Variants in SLC9A6 observed in about 807,000 individuals in gnomAD.
SLC9A6 encodes the protein solute carrier family 9 member A6, also known as sodium/hydrogen exchanger 6.
A neutral mutation model predicts 45.3 loss-of-function variants in SLC9A6; 6 were observed. That is an observed-to-expected ratio of 0.13 (90% CI 0.07 to 0.26). The LOEUF (loss-of-function observed/expected upper bound fraction) is 0.26. SLC9A6 is among the 10% of genes least tolerant of loss of function. The pLI is 1.00. For missense variants in SLC9A6, 278 were observed against 503.7 expected (o/e 0.55, Z 4.29); for synonymous variants, 191 against 187.7 (o/e 1.02, Z -0.14).
intron 8 of SLC9A6, among the ~76,000 whole-genome samples, chrX:136,011,995 C>T (rs2070932564): frequency 8.9e-6 from 1 of 112,108 alleles, no homozygotes; most frequent in Non-Finnish European, 1.9e-5. Context: ...GAGGCTGAAG[C>T]GGGAGAATGG....
intron 5 of SLC9A6, 121 bp downstream of exon 5, chrX:135,998,679 C>T (rs1463353636): frequency 1.1e-5 from 7 of 647,466 alleles, no homozygotes; most frequent in East Asian, 3.5e-5. Flanking sequence ...GCAATATTCA[C>T]GTAGGTAATA....
chrX:136,013,327 T>C (rs1387772152), intron 9 of SLC9A6, 22 bp from the exon 10 acceptor site: 2 of 1,141,375 alleles, frequency 1.8e-6, no homozygotes, highest in Non-Finnish European at 2.4e-6. Flanking sequence ...TTATGTGAAC[T>C]TGGAATTTGT....
intron 1 of SLC9A6, chrX:135,975,376 G>A (rs1047260621): frequency 8.9e-6 from 1 of 112,161 alleles, no homozygotes; most frequent in Admixed American, 9.4e-5. Context: ...ATTTGCTTTT[G>A]CTCAAAGATG....
intron 16 of SLC9A6, among the ~76,000 whole-genome samples, chrX:136,039,521 T>C (rs1556622228): frequency 8.9e-6 from 1 of 111,803 alleles, no homozygotes; most frequent in Admixed American, 9.5e-5. Flanking sequence ...GACTTGCCTT[T>C]CCTTCTTATA....
chrX:136,041,326 G>C (rs114960827), intron 17 of SLC9A6, among the ~76,000 whole-genome samples: 4,263 of 111,038 alleles, frequency 0.038, 147 homozygotes, highest in African/African-American at 0.11. Flanking sequence ...CCCATTCCCT[G>C]TGAGTGAACC....
At position 136,002,988 on chromosome X, in the gene SLC9A6, C is replaced by CT. The variant is rs781846085; in HGVS notation, c.743+792dup. ...TGTCCCCCTAGTTCCTTGTAGATAA[C>CT]TTTTTTTTTTTTTTTTTGAGACGAA... On this transcript the variant is annotated intron_variant, in intron 7 of 17. Coordinates refer to ENST00000630721, the MANE Select transcript of SLC9A6 (RefSeq NM_001379110.1). 9.5e-3 allele frequency among the ~76,000 whole-genome samples: 956 copies of CT among 101,037 alleles called. 3 individuals are homozygous for CT. The highest frequency in any genetic ancestry group is 0.013 in the Non-Finnish European group (642 of 49,024). The allele number at this position is 101,037 out of a possible 115,157, so 87.7% of individuals were successfully genotyped here. A position where few individuals can be genotyped will look rare whatever the true frequency, so the allele number is the denominator to read the frequency against.
At chrX:135,977,753 T>C (rs1410014248) in intron 1 of SLC9A6, among the ~76,000 whole-genome samples, 3 of 111,472 alleles carry the variant, frequency 2.7e-5, no homozygotes, top group Non-Finnish European at 5.6e-5. Context: ...TTGTAAGAAA[T>C]TCAAACAATA....
intron 7 of SLC9A6, among the ~76,000 whole-genome samples, chrX:136,009,667 C>T (rs1243663789): frequency 1.8e-5 from 2 of 112,261 alleles, no homozygotes; most frequent in South Asian, 3.7e-4. Context: ...TTTTCTCAGG[C>T]ATTTCTATTT....
intron 13 of SLC9A6, 67 bp downstream of exon 13, chrX:136,024,550 T>C: frequency 1.0e-6 from 1 of 999,723 alleles, no homozygotes; most frequent in Non-Finnish European, 1.4e-6. Context: ...CTGCCTGTTT[T>C]CAATTTTTAA....
Position 136,002,131 on chromosome X carries a change from G to A in SLC9A6, c.661G>A (p.Glu221Lys), listed in dbSNP as rs1556617439. ...DPVTVLAIFHELQVDVELYAL... is the reference protein window; with the variant it reads ...DPVTVLAIFHKLQVDVELYAL... ...AGTGACTGTTCTTGCTATATTCCAC[G>A]AGCTTCAAGTTGATGTTGAACTCTA... is the stretch of plus-strand genomic sequence containing the variant. Residue 221 changes from glutamate (E) to lysine (K), a missense_variant, in exon 7 of 18, where the codon GAG becomes AAG. Around this residue, in one of 5 missense-constraint regions of SLC9A6, gnomAD observed 118 missense variants for 209.9 expected, o/e 0.56. Coordinates refer to ENST00000630721, the MANE Select transcript of SLC9A6 (RefSeq NM_001379110.1). 8.3e-7 allele frequency: 1 copy of A among 1,204,619 alleles called. No homozygotes were observed. The highest frequency in any genetic ancestry group is 1.1e-6 in the Non-Finnish European group (1 of 889,499).
In SLC9A6 at chrX:136,043,299, T is replaced by C. The variant is rs1003528661; in HGVS notation, c.1768-1153T>C. Among the ~76,000 whole-genome samples the C allele has an allele frequency of 4.6e-4, 52 of 112,168 alleles. No individual in the cohort carries two copies. The Admixed American group carries it at 4.7e-3, about 10-fold the overall frequency. On this transcript the variant is annotated intron_variant, in intron 17 of 17. Coordinates refer to ENST00000630721, the MANE Select transcript of SLC9A6 (RefSeq NM_001379110.1). ...GCCTCAAACTTCTGGGCTCAAGCAG[T>C]CCTCCTGCCTTAGCCTCCCCAGTAG...
rs375038684 is a variant in SLC9A6 at position 135,998,464 on chromosome X, C to CTTTT, written c.448-9_448-6dup. 8 of 838,835 alleles carry CTTTT rather than the reference C, an allele frequency of 9.5e-6. No homozygotes were observed. Among genetic ancestry groups the CTTTT allele is most frequent in the East Asian group, 3.8e-5 (1 of 26,289 alleles). 69.1% of individuals were successfully genotyped at this position (838,835 alleles called of 1,213,427 possible). A position where few individuals can be genotyped will look rare whatever the true frequency, so the allele number is the denominator to read the frequency against. On this transcript the variant is annotated splice_polypyrimidine_tract_variant and intron_variant, in intron 4 of 17. Transcript: ENST00000630721. ...ACTGGTAAGTATTCTAACAGTGTAACTTTTTTTTTTTTGTCAGAGACATTT... is the reference window on the plus strand; with the variant it reads ...ACTGGTAAGTATTCTAACAGTGTAACTTTTTTTTTTTTTTTTGTCAGAGACATTT...
In SLC9A6 at chrX:136,045,936, T is replaced by C. The variant is rs995263032; in HGVS notation, c.*1212T>C. The C allele has an allele frequency of 1.8e-5, 2 of 110,145 alleles. No individual in the cohort carries two copies. Among genetic ancestry groups the C allele is most frequent in the Non-Finnish European group, 3.8e-5 (2 of 52,704 alleles). 9.1% of individuals were successfully genotyped at this position (110,145 alleles called of 1,213,427 possible). On this transcript the variant is annotated 3_prime_UTR_variant, in exon 18 of 18. Transcript: ENST00000630721. ...ACGTTTTAATATTAATTACCTAAGC[T>C]GCCATGCATTTTTTTTTTTACAGTT...
chrX:136,036,345 T>G (rs782762702), intron 16 of SLC9A6, among the ~76,000 whole-genome samples: 1 of 111,675 alleles, frequency 9.0e-6, no homozygotes, highest in South Asian at 3.8e-4. Context: ...TTTCGTCCAT[T>G]GTTTAACTGA....
upstream of SLC9A6, among the ~76,000 whole-genome samples, chrX:135,981,551 T>A (rs782782595): frequency 1.6e-4 from 18 of 111,369 alleles, no homozygotes; most frequent in Non-Finnish European, 2.8e-4. Flanking sequence ...AGAAGTTAGT[T>A]AGGTGAGGAA....
intron 2 of SLC9A6, 110 bp downstream of exon 2, chrX:135,985,937 A>T (rs2089330254): frequency 2.2e-6 from 2 of 926,738 alleles, no homozygotes; most frequent in Admixed American, 4.7e-5. Flanking sequence ...TCCCCTTCTA[A>T]TTCCTTCCAT....
chrX:135,979,512 C>T (rs1371093430), intron 1 of SLC9A6, among the ~76,000 whole-genome samples: 1 of 111,627 alleles, frequency 9.0e-6, no homozygotes, highest in African/African-American at 3.3e-5. Context: ...CACATTAATG[C>T]TACTGACAGC....
At chrX:136,020,524 C>G (rs1286770136) in intron 11 of SLC9A6, among the ~76,000 whole-genome samples, 2 of 110,682 alleles carry the variant, frequency 1.8e-5, no homozygotes, top group Non-Finnish European at 3.8e-5. Flanking sequence ...GCATGCGCCA[C>G]CACGCCCGGC....
At chrX:135,981,459 C>T (rs1179927674), upstream of SLC9A6, among the ~76,000 whole-genome samples, 1 of 111,138 alleles carries the variant, frequency 9.0e-6, no homozygotes, top group African/African-American at 3.3e-5. Flanking sequence ...GAGACAGAGC[C>T]AAACCATATC....
Sources: allele counts gnomAD v4.1 joint callset (sites outside exome capture counted in the v4.1 genomes callset), GRCh38; gene constraint gnomAD v4.1.1; regional missense constraint gnomAD v4.1.1; transcripts MANE v1.5; gene names NCBI Gene and HGNC (gene_info 2026-07-23, HGNC 2026-07-21).